EXOC4: variants seen among roughly 807,000 people sequenced by gnomAD.
EXOC4 encodes the protein SEC8-like 1.
Under a neutral mutation model 107.2 loss-of-function variants are expected in EXOC4, and 71 were observed. That is an observed-to-expected ratio of 0.66 (90% CI 0.55 to 0.81). The LOEUF (loss-of-function observed/expected upper bound fraction) is 0.81. Among genes scored for constraint, EXOC4 ranks in the 30% least tolerant of loss-of-function variants. The pLI is 0.00. For synonymous variants in EXOC4, 456 were observed against 441.2 expected (o/e 1.03, Z -0.42); for missense variants, 1,108 against 1,189.6 (o/e 0.93, Z 1.01).
intron 7 of EXOC4, among the ~76,000 whole-genome samples, chr7:133,425,131 C>A (rs184154786): frequency 6.6e-6 from 1 of 152,072 alleles, no homozygotes; most frequent in Non-Finnish European, 1.5e-5. Flanking sequence ...AGCTGAGCAG[C>A]CATGGAAGCT....
rs188334443 is a variant in EXOC4 at position 133,481,347 on chromosome 7, G to C, written c.1417+1209G>C. Reference sequence around the variant, plus strand: ...AGGAGTGATTACATAAATTGTTTTAGAACTCTGGGCTTTTCTCCATGAGGG... The same window carrying C: ...AGGAGTGATTACATAAATTGTTTTACAACTCTGGGCTTTTCTCCATGAGGG... On this transcript the variant is annotated intron_variant, in intron 9 of 17. Coordinates refer to ENST00000253861, the MANE Select transcript of EXOC4 (RefSeq NM_021807.4). Among the ~76,000 whole-genome samples the C allele has an allele frequency of 1.4e-3, 209 of 151,670 alleles. 2 individuals carry two copies. Among genetic ancestry groups the C allele is most frequent in the African/African-American group, 4.8e-3 (200 of 41,346 alleles).
intron 17 of EXOC4, among the ~76,000 whole-genome samples, chr7:134,029,221 C>T (rs1795212666): frequency 2.0e-5 from 3 of 152,204 alleles, no homozygotes; most frequent in South Asian, 2.1e-4. Flanking sequence ...AGAAGTTTTG[C>T]GTCTTTCCCT....
chr7:133,764,774 A>G (rs1796101631), intron 10 of EXOC4, among the ~76,000 whole-genome samples: 1 of 152,062 alleles, frequency 6.6e-6, no homozygotes, highest in Non-Finnish European at 1.5e-5. Flanking sequence ...CTTAAGATTG[A>G]TCAAGCTTTT....
intron 9 of EXOC4, among the ~76,000 whole-genome samples, chr7:133,613,094 TAAAA>T (rs918114146): frequency 2.6e-5 from 4 of 152,032 alleles, no homozygotes; most frequent in Non-Finnish European, 4.4e-5. Flanking sequence ...TCAGAAAAAT[TAAAA>T]AAAGATATGT....
intron 11 of EXOC4, among the ~76,000 whole-genome samples, chr7:133,855,257 T>C (rs1329835754): frequency 6.7e-6 from 1 of 149,964 alleles, no homozygotes; most frequent in African/African-American, 2.5e-5. Context: ...CTTTATACTC[T>C]CTCAGTCCTC....
intron 13 of EXOC4, among the ~76,000 whole-genome samples, chr7:133,920,304 A>T (rs1179456085): frequency 6.6e-6 from 1 of 152,206 alleles, no homozygotes; most frequent in Non-Finnish European, 1.5e-5. Context: ...AGTATTTTGC[A>T]AAGATTTTCT....
At chr7:133,538,848 A>AAAGG (rs1800323683) in intron 9 of EXOC4, among the ~76,000 whole-genome samples, 1 of 56,996 alleles carries the variant, frequency 1.8e-5, no homozygotes, top group Admixed American at 1.2e-4. Flanking sequence ...AAAAAGAAAG[A>AAAGG]AAGAAAGAAA....
At chr7:133,443,157 T>G (rs1798141992) in intron 7 of EXOC4, among the ~76,000 whole-genome samples, 1 of 152,158 alleles carries the variant, frequency 6.6e-6, no homozygotes, top group Non-Finnish European at 1.5e-5. Context: ...CACATCTTCT[T>G]CCGTAGTCGC....
chr7:133,922,918 T>A (rs1052131999), intron 13 of EXOC4, among the ~76,000 whole-genome samples: 1 of 151,998 alleles, frequency 6.6e-6, no homozygotes, highest in Non-Finnish European at 1.5e-5. Context: ...TGTAATTGTG[T>A]ATTCATACAT....
intron 5 of EXOC4, among the ~76,000 whole-genome samples, chr7:133,326,294 A>G (rs985438753): frequency 6.6e-6 from 1 of 151,816 alleles, no homozygotes. Flanking sequence ...TCTGATTTTT[A>G]GAATTTTCAG....
At chr7:133,363,962 AGC>A (rs1383848634) in intron 6 of EXOC4, among the ~76,000 whole-genome samples, 1 of 152,084 alleles carries the variant, frequency 6.6e-6, no homozygotes, top group East Asian at 1.9e-4. Flanking sequence ...ATATGATTAA[AGC>A]ACCTTCATGT....
chr7:133,660,043 A>G (rs917886517), intron 10 of EXOC4, among the ~76,000 whole-genome samples: 1 of 152,222 alleles, frequency 6.6e-6, no homozygotes, highest in East Asian at 1.9e-4. Context: ...CTGCAGTGTC[A>G]TGGAGTTACC....
At chr7:133,313,999 A>G (rs1794934301) in intron 4 of EXOC4, among the ~76,000 whole-genome samples, 1 of 152,238 alleles carries the variant, frequency 6.6e-6, no homozygotes, top group African/African-American at 2.4e-5. Context: ...TCATGTATTT[A>G]AAATGAAAAA....
chr7:133,822,027 C>G (rs1797534046), intron 11 of EXOC4, among the ~76,000 whole-genome samples: 1 of 152,162 alleles, frequency 6.6e-6, no homozygotes, highest in Non-Finnish European at 1.5e-5. Flanking sequence ...TCTAATGCTC[C>G]CAGGATGACA....
At chr7:133,470,407 A>G (rs1040641136) in intron 7 of EXOC4, among the ~76,000 whole-genome samples, 1 of 152,198 alleles carries the variant, frequency 6.6e-6, no homozygotes. Context: ...CATCTTAGGA[A>G]CTACTAATCA....
chr7:133,709,970 A>G (rs147413539), intron 10 of EXOC4, among the ~76,000 whole-genome samples: 1 of 152,136 alleles, frequency 6.6e-6, no homozygotes, highest in African/African-American at 2.4e-5. Context: ...CCAAACTTAA[A>G]TTGGTCACCA....
intron 10 of EXOC4, among the ~76,000 whole-genome samples, chr7:133,807,352 G>A (rs541204109): frequency 1.2e-4 from 19 of 152,272 alleles, no homozygotes; most frequent in African/African-American, 4.1e-4. Flanking sequence ...TGATCAGGAC[G>A]TGGTAAGCGC....
At chr7:133,833,551 C>T (rs527874907) in intron 11 of EXOC4, among the ~76,000 whole-genome samples, 1 of 152,134 alleles carries the variant, frequency 6.6e-6, no homozygotes, top group Admixed American at 6.6e-5. Flanking sequence ...CCAGCTTGCA[C>T]ACTTTTGTTT....
intron 9 of EXOC4, among the ~76,000 whole-genome samples, chr7:133,534,125 G>A (rs1455527681): frequency 2.0e-5 from 3 of 152,134 alleles, no homozygotes; most frequent in South Asian, 2.1e-4. Context: ...TAATCAAACC[G>A]TAGCCTCTGC....
Sources: allele counts gnomAD v4.1 joint callset (sites outside exome capture counted in the v4.1 genomes callset), GRCh38; gene constraint gnomAD v4.1.1; transcripts MANE v1.5; gene names NCBI Gene and HGNC (gene_info 2026-07-23, HGNC 2026-07-21).